Variants in LRRK2 observed in about 807,000 individuals in gnomAD.
LRRK2 encodes leucine-rich repeat serine/threonine-protein kinase 2.
LRRK2 carries 203 observed loss-of-function variants against 302.6 expected under a neutral mutation model. The ratio of observed to expected loss-of-function variants is 0.67; its 90% CI spans 0.60 to 0.75. LRRK2 has a LOEUF of 0.75. Among genes scored for constraint, LRRK2 ranks in the 30% least tolerant of loss-of-function variants. The probability of loss-of-function intolerance (pLI) is 0.00; values close to 1 mark genes in which losing one functional copy is unlikely to be tolerated. For synonymous variants in LRRK2, 1,066 were observed against 1,031.9 expected, an observed-to-expected ratio of 1.03 and a Z score of -0.63; for missense variants, 2,830 against 2,951.0, an observed-to-expected ratio of 0.96 and a Z score of 0.95.
rs17491138 is a variant in LRRK2, at chr12:40,310,141, T to C, written c.4318-290T>C. On this transcript the variant is annotated intron_variant, in intron 30 of 50. Coordinates refer to ENST00000298910, the MANE Select transcript of LRRK2 (RefSeq NM_198578.4). Reference sequence around the variant, plus strand: ...TTTATTTAGGAGTGAATAACTCATCTTAAGGCATGAAGATGGGAAAGGAAA... The same window carrying C: ...TTTATTTAGGAGTGAATAACTCATCCTAAGGCATGAAGATGGGAAAGGAAA... Among the ~76,000 whole-genome samples the C allele has an allele frequency of 2.6e-3, 403 of 152,296 alleles. 2 individuals carry two copies. The highest frequency in any genetic ancestry group is 9.1e-3 in the African/African-American group (380 of 41,570).
chr12:40,316,430 GC>G (rs1416080538), intron 33 of LRRK2: 13 of 707,340 alleles, frequency 1.8e-5, no homozygotes, highest in African/African-American at 1.9e-5. Context: ...TAGATTTTCA[GC>G]CTTCTGCACA....
intron 10 of LRRK2, among the ~76,000 whole-genome samples, chr12:40,252,399 A>G (rs1430566798): frequency 6.6e-6 from 1 of 152,232 alleles, no homozygotes; most frequent in East Asian, 1.9e-4. Context: ...TTGGCATCTT[A>G]ATAATCTCAT....
chr12:40,320,099 T>C lies in LRRK2; in HGVS notation c.4939T>C (p.Ser1647Pro). The change falls in exon 34 of 51, where the codon TCA becomes CCA. Residue 1647 changes from serine to proline, a missense_variant. Coordinates refer to ENST00000298910, the MANE Select transcript of LRRK2 (RefSeq NM_198578.4). ...KKRKFPKNYM[S>P]QYFKLLEKFQ... ...AAGGAAATTTCCAAAGAACTACATG[T>C]CACAGTATTTTAAGCTCCTAGAAAA... The C allele has an allele frequency of 1.2e-6, 2 of 1,611,576 alleles. No individual in the cohort carries two copies. The highest frequency in any genetic ancestry group is 1.1e-5 in the South Asian group (1 of 90,800).
At chr12:40,297,420 A>G (rs1008485268) in intron 23 of LRRK2, among the ~76,000 whole-genome samples, 1 of 152,174 alleles carries the variant, frequency 6.6e-6, no homozygotes, top group Non-Finnish European at 1.5e-5. Context: ...TGTTCCTTTT[A>G]TAGGAACATT....
At chr12:40,256,811 G>A (rs893565090) in intron 11 of LRRK2, among the ~76,000 whole-genome samples, 1 of 152,188 alleles carries the variant, frequency 6.6e-6, no homozygotes, top group Admixed American at 6.6e-5. Context: ...CAGCCCACCA[G>A]TGTCTAGCAT....
chr12:40,252,991 A>C lies in LRRK2; in HGVS notation c.1263A>C (p.Ala421=). ...SKEVFQASAN[A]LSTLLEQNVN... ...AAGTTTTCCAGGCATCTGCGAATGCATTGTCAACTCTCTTAGAACAAAATG... is the reference window on the plus strand; with the variant it reads ...AAGTTTTCCAGGCATCTGCGAATGCCTTGTCAACTCTCTTAGAACAAAATG... The change falls in exon 11 of 51, where the codon GCA becomes GCC. Residue 421 remains alanine, a synonymous_variant. Transcript: ENST00000298910. 1 of 1,612,506 alleles carries C rather than the reference A, an allele frequency of 6.2e-7. No homozygotes were observed. Among genetic ancestry groups the C allele is most frequent in the Non-Finnish European group, 8.5e-7 (1 of 1,178,756 alleles).
At chr12:40,298,798 T>TATATATATATATATATATATAG (rs57355300) in intron 24 of LRRK2, among the ~76,000 whole-genome samples, 1 of 94,266 alleles carries the variant, frequency 1.1e-5, no homozygotes, top group Non-Finnish European at 2.1e-5. Flanking sequence ...TATATATATA[T>TATATATATATATATATATATAG]AATATATGTA....
At chr12:40,353,852 C>T (rs549105451) in intron 44 of LRRK2, among the ~76,000 whole-genome samples, 246 of 152,350 alleles carry the variant, frequency 1.6e-3, no homozygotes, top group Middle Eastern at 3.4e-3. Flanking sequence ...GGCGTGGCGG[C>T]GCACGCCTGC....
intron 46 of LRRK2, among the ~76,000 whole-genome samples, chr12:40,357,564 C>T (rs1272498214): frequency 1.3e-5 from 2 of 152,080 alleles, no homozygotes; most frequent in Non-Finnish European, 2.9e-5. Flanking sequence ...ACACCAATAG[C>T]ATATGGGCAT....
chr12:40,325,890 A>G (rs1565753391), intron 38 of LRRK2, among the ~76,000 whole-genome samples: 2 of 152,168 alleles, frequency 1.3e-5, no homozygotes. Context: ...ATATAAATGT[A>G]TGGGATTCTG....
chr12:40,226,489 G>A (rs1940891739), intron 2 of LRRK2, among the ~76,000 whole-genome samples: 1 of 152,194 alleles, frequency 6.6e-6, no homozygotes, highest in African/African-American at 2.4e-5. Flanking sequence ...ATGGTTGAGA[G>A]GCTTGACAGA....
intron 6 of LRRK2, among the ~76,000 whole-genome samples, chr12:40,241,705 A>G (rs970613981): frequency 6.6e-6 from 1 of 152,222 alleles, no homozygotes; most frequent in African/African-American, 2.4e-5. Context: ...TGTGTGTTGT[A>G]TACTATATGT....
chr12:40,358,586 G>C (rs866721494), intron 46 of LRRK2, among the ~76,000 whole-genome samples: 1 of 152,046 alleles, frequency 6.6e-6, no homozygotes, highest in Non-Finnish European at 1.5e-5. Flanking sequence ...CTACCTACCT[G>C]TGTTTTTGCC....
intron 33 of LRRK2, 80 bp downstream of exon 33, chr12:40,315,380 A>G: frequency 1.6e-6 from 2 of 1,236,986 alleles, no homozygotes; most frequent in Non-Finnish European, 2.4e-6. Flanking sequence ...TGAGCATTTT[A>G]GAATTTGGGT....
At chr12:40,288,555 A>T (rs1944018983) in intron 20 of LRRK2, among the ~76,000 whole-genome samples, 1 of 151,534 alleles carries the variant, frequency 6.6e-6, no homozygotes, top group Admixed American at 6.6e-5. Flanking sequence ...ACTATGTTCT[A>T]CCCCCACCAG....
At chr12:40,265,689 G>T (rs1351581604) in intron 14 of LRRK2, among the ~76,000 whole-genome samples, 1 of 152,090 alleles carries the variant, frequency 6.6e-6, no homozygotes, top group Non-Finnish European at 1.5e-5. Context: ...TGAGCAAAGG[G>T]TCAGTCTGAG....
intron 47 of LRRK2, 99 bp downstream of exon 47, chr12:40,359,543 T>C: frequency 1.0e-6 from 1 of 976,286 alleles, no homozygotes; most frequent in Non-Finnish European, 1.5e-6. Context: ...AGGAAGATCT[T>C]TTAAAATGCA....
chr12:40,344,886 A>G (rs937048238), intron 41 of LRRK2, among the ~76,000 whole-genome samples: 1 of 152,018 alleles, frequency 6.6e-6, no homozygotes, highest in African/African-American at 2.4e-5. Context: ...TTATATTAAT[A>G]TATTACTATG....
chr12:40,322,548 T>A (rs1348144744), intron 37 of LRRK2, 38 bp downstream of exon 37: 9 of 1,549,610 alleles, frequency 5.8e-6, no homozygotes, highest in Non-Finnish European at 7.1e-6. Flanking sequence ...TTTTAAGTGA[T>A]CCTTCAATAC....
Sources: gnomAD v4.1 joint callset for allele counts (sites outside exome capture counted in the v4.1 genomes callset) on GRCh38, gnomAD v4.1.1 for gene constraint, MANE v1.5 for transcripts, NCBI Gene and HGNC (gene_info 2026-07-23, HGNC 2026-07-21) for gene names.